Variants in CCDC32 observed in about 807,000 individuals in gnomAD.
The protein encoded by CCDC32 is coiled-coil domain containing 32.
A neutral mutation model predicts 20.1 loss-of-function variants in CCDC32; 9 were observed. That is an observed-to-expected ratio of 0.45 (90% confidence interval 0.27 to 0.78). The LOEUF (loss-of-function observed/expected upper bound fraction) is 0.78, where lower values mean the gene tolerates loss of function less well. CCDC32 is among the 30% of genes least tolerant of loss of function. The pLI is 0.16. For synonymous variants in CCDC32, 63 were observed against 79.0 expected (o/e 0.80, Z 1.07); for missense variants, 204 against 215.5 (o/e 0.95, Z 0.33).
chr15:40,540,492 C>A (rs1193641902), intron 3 of CCDC32, among the ~76,000 whole-genome samples: 2 of 151,628 alleles, frequency 1.3e-5, no homozygotes, highest in Non-Finnish European at 2.9e-5. Context: ...TTCAGCCTCC[C>A]GAGTAGCTGG....
downstream of CCDC32, chr15:40,534,692 C>T (rs969697106): frequency 1.8e-6 from 1 of 556,446 alleles, no homozygotes; most frequent in African/African-American, 1.9e-5. Context: ...TGTATCCTCA[C>T]ATGGCAGAAG....
At chr15:40,543,749 G>A (rs1181197717) in intron 3 of CCDC32, among the ~76,000 whole-genome samples, 2 of 152,112 alleles carry the variant, frequency 1.3e-5, no homozygotes, top group Non-Finnish European at 2.9e-5. Context: ...CACTGCACCC[G>A]GGCTTGTCAG....
At chr15:40,557,753 T>C (rs1301758085) in intron 2 of CCDC32, 1 of 156,010 alleles carries the variant, frequency 6.4e-6, no homozygotes, top group Admixed American at 6.4e-5. Flanking sequence ...GAAAATAATC[T>C]CTCTGAGGAG....
downstream of CCDC32, among the ~76,000 whole-genome samples, chr15:40,525,406 G>A (rs568253707): frequency 3.3e-5 from 5 of 150,810 alleles, no homozygotes; most frequent in East Asian, 2.0e-4. Flanking sequence ...TAGGTAATCC[G>A]CCCGCCTCAG....
At chr15:40,552,189 A>G (rs983103783), downstream of CCDC32, among the ~76,000 whole-genome samples, 4 of 151,902 alleles carry the variant, frequency 2.6e-5, no homozygotes, top group Admixed American at 2.0e-4. Flanking sequence ...AAAGAAGGAA[A>G]AAAGAGGAGC....
chr15:40,546,514 T>C (rs1595887966), intron 3 of CCDC32, among the ~76,000 whole-genome samples: 1 of 152,126 alleles, frequency 6.6e-6, no homozygotes, highest in East Asian at 1.9e-4. Flanking sequence ...TTAGTTTCCA[T>C]GTCTCTGCCA....
downstream of CCDC32, among the ~76,000 whole-genome samples, chr15:40,527,359 T>C (rs7169872): frequency 0.88 from 134,328 of 152,178 alleles, 59,631 homozygotes; most frequent in Non-Finnish European, 0.93. Context: ...TTAGTAGAGA[T>C]AGGGTTTCAC....
Position 40,553,897 on chromosome 15 carries a change from C to G in CCDC32, c.*74G>C. 6.7e-7 allele frequency: 1 copy of G among 1,502,140 alleles called. No homozygotes were observed. The highest frequency in any genetic ancestry group is 8.9e-7 in the Non-Finnish European group (1 of 1,119,746). The allele number at this position is 1,502,140 out of a possible 1,614,324, so 93.1% of individuals were successfully genotyped here. On this transcript the variant is annotated 3_prime_UTR_variant, in exon 4 of 4. Transcript: ENST00000416810. ...GCTGCTCGCTCTGGACCCGAGACAG[C>G]TGCTCGGCGTGTGTGTGTGTGTGTG...
At chr15:40,562,217 CCAAGAAAT>C (rs1479453208) in intron 2 of CCDC32, 1 of 152,032 alleles carries the variant, frequency 6.6e-6, no homozygotes, top group Non-Finnish European at 1.5e-5. Flanking sequence ...CTACAGAATG[CCAAGAAAT>C]CAAACACAGA....
At chr15:40,551,001 T>A (rs946883552), downstream of CCDC32, among the ~76,000 whole-genome samples, 1 of 152,214 alleles carries the variant, frequency 6.6e-6, no homozygotes, top group African/African-American at 2.4e-5. Flanking sequence ...ATTGCTTTTT[T>A]TTTCTTAAAC....
At chr15:40,528,771 A>G (rs753129863) in exon 4 of CCDC32, 2 of 700,096 alleles carry the variant, frequency 2.9e-6, no homozygotes, top group Non-Finnish European at 5.2e-6. Flanking sequence ...CCCTTAGCAC[A>G]GATCCCATTT....
chr15:40,553,919 T>G lies in CCDC32; in HGVS notation c.*52A>C. ...CAGCTGCTCGGCGTGTGTGTGTGTG[T>G]GTGTGTGTGTGTGTGTGTGTGTGTG... On this transcript the variant is annotated 3_prime_UTR_variant, in exon 4 of 4. Coordinates refer to ENST00000416810, the MANE Select transcript of CCDC32 (RefSeq NM_001080792.4). 1 of 178,368 alleles carries G rather than the reference T, an allele frequency of 5.6e-6. No homozygotes were observed. Among genetic ancestry groups the G allele is most frequent in the South Asian group, 1.2e-4 (1 of 8,242 alleles). The allele number at this position is 178,368 out of a possible 1,614,324, so 11.0% of individuals were successfully genotyped here.
downstream of CCDC32, among the ~76,000 whole-genome samples, chr15:40,525,162 G>A (rs377586185): frequency 2.0e-5 from 3 of 152,044 alleles, no homozygotes; most frequent in South Asian, 2.1e-4. Flanking sequence ...AGAGTAGCTC[G>A]GATTACAGGC....
rs1027618879 is a variant in CCDC32, at chr15:40,553,592, T to TA, written c.*378dup. Reference sequence around the variant, plus strand: ...AAGAAAATATATGGCTCACTTAACTTACACATTACACATAAGAGGCCTCAG... The same window carrying TA: ...AAGAAAATATATGGCTCACTTAACTTAACACATTACACATAAGAGGCCTCAG... On this transcript the variant is annotated 3_prime_UTR_variant, in exon 4 of 4. Transcript: ENST00000416810. The TA allele has an allele frequency of 1.4e-5, 14 of 1,007,424 alleles. No individual in the cohort carries two copies. Among genetic ancestry groups the TA allele is most frequent in the Admixed American group, 5.7e-5 (1 of 17,636 alleles). The allele number at this position is 1,007,424 out of a possible 1,614,324, so 62.4% of individuals were successfully genotyped here.
intron 3 of CCDC32, among the ~76,000 whole-genome samples, chr15:40,547,762 T>C (rs1346424360): frequency 6.6e-6 from 1 of 152,190 alleles, no homozygotes; most frequent in Admixed American, 6.5e-5. Context: ...AGTTGAGGCT[T>C]TTTGCCTTCC....
downstream of CCDC32, among the ~76,000 whole-genome samples, chr15:40,533,348 T>C (rs1414325143): frequency 6.6e-6 from 1 of 152,140 alleles, no homozygotes; most frequent in Non-Finnish European, 1.5e-5. Context: ...TGCATTATTA[T>C]TATTTTATTT....
At chr15:40,528,533 A>G (rs908779516), downstream of CCDC32, 6 of 532,092 alleles carry the variant, frequency 1.1e-5, no homozygotes, top group Admixed American at 1.1e-4. Context: ...CCTGTGCTCA[A>G]GGCTTGTCCT....
downstream of CCDC32, among the ~76,000 whole-genome samples, chr15:40,526,556 A>C (rs1894902729): frequency 6.6e-6 from 1 of 152,200 alleles, no homozygotes; most frequent in African/African-American, 2.4e-5. Context: ...CCTTTGTCAT[A>C]TGACCTTGTA....
intron 3 of CCDC32, among the ~76,000 whole-genome samples, chr15:40,539,808 G>A (rs2141609080): frequency 6.9e-6 from 1 of 145,200 alleles, no homozygotes; most frequent in African/African-American, 2.5e-5. Flanking sequence ...CTTAAGAGGG[G>A]CCCTCCCCTA....
Sources: gnomAD v4.1 joint callset for allele counts (sites outside exome capture counted in the v4.1 genomes callset) on GRCh38, gnomAD v4.1.1 for gene constraint, MANE v1.5 for transcripts, NCBI Gene and HGNC (gene_info 2026-07-23, HGNC 2026-07-21) for gene names.